Variants in MSL2 observed in about 807,000 individuals in gnomAD.
The protein encoded by MSL2 is E3 ubiquitin-protein ligase MSL2.
In MSL2, 2 loss-of-function variants were observed where a neutral mutation model predicts 35.8. That is an observed-to-expected ratio of 0.06 (90% confidence interval 0.02 to 0.18). The LOEUF (loss-of-function observed/expected upper bound fraction) is 0.18. MSL2 is among the 10% of genes least tolerant of loss of function. The pLI, the probability that MSL2 is intolerant of heterozygous loss-of-function variation, is 1.00. For missense variants in MSL2, 523 were observed against 706.7 expected, an observed-to-expected ratio of 0.74 and a Z score of 2.95; for synonymous variants, 296 against 255.7, an observed-to-expected ratio of 1.16 and a Z score of -1.50.
chr3:136,164,651 A>G (rs1032938527), intron 1 of MSL2, among the ~76,000 whole-genome samples: 1 of 152,202 alleles, frequency 6.6e-6, no homozygotes. Context: ...CTCCAACTTA[A>G]GAAATACCAG....
At chr3:136,153,530 A>G (rs775484498) in intron 1 of MSL2, among the ~76,000 whole-genome samples, 12 of 152,190 alleles carry the variant, frequency 7.9e-5, no homozygotes, top group Non-Finnish European at 1.5e-4. Flanking sequence ...GCTCATGCCT[A>G]TAATCCCAGC....
chr3:136,191,513 C>G (rs935016208), intron 1 of MSL2, among the ~76,000 whole-genome samples: 1 of 150,768 alleles, frequency 6.6e-6, no homozygotes, highest in African/African-American at 2.4e-5. Context: ...GCCACAGTGG[C>G]TTACACCTGT....
At chr3:136,191,287 T>C (rs1940682739) in intron 1 of MSL2, among the ~76,000 whole-genome samples, 1 of 151,776 alleles carries the variant, frequency 6.6e-6, no homozygotes, top group Non-Finnish European at 1.5e-5. Flanking sequence ...GCCAACATGG[T>C]GAAACCCCGT....
At position 136,152,648 on chromosome 3, in the gene MSL2, TTCA is replaced by T; in HGVS notation, c.230_232del (p.Met77del). 1 of 1,614,170 alleles carries T rather than the reference TTCA, an allele frequency of 6.2e-7. No homozygotes were observed. The highest frequency in any genetic ancestry group is 8.5e-7 in the Non-Finnish European group (1 of 1,180,030). ...GTCTTTGCACCAGCTACAGGAAGGT[TTCA>T]TCATCATTTTCTTGCCTTTACAAGT... On this transcript the variant is annotated inframe_deletion, in exon 2 of 2. Coordinates refer to ENST00000309993, the MANE Select transcript of MSL2 (RefSeq NM_018133.4).
rs180684370 is a variant in MSL2 at position 136,175,327 on chromosome 3, G to C, written c.142+19645C>G. ...CCACTGCACTCCAGCCTGGGCGACA[G>C]AGCAAGACTCCGTCTCAAAAAAAAA... On this transcript the variant is annotated intron_variant, in intron 1 of 1. Transcript: ENST00000309993. Among the ~76,000 whole-genome samples, 206 of 147,766 alleles carry C rather than the reference G, an allele frequency of 1.4e-3. 3 individuals are homozygous for C. Among genetic ancestry groups the C allele is most frequent in the African/African-American group, 4.6e-3 (181 of 39,670 alleles).
chr3:136,193,091 G>A (rs1435942153), intron 1 of MSL2, among the ~76,000 whole-genome samples: 1 of 152,126 alleles, frequency 6.6e-6, no homozygotes, highest in Admixed American at 6.6e-5. Flanking sequence ...AATTCCCCTT[G>A]TGTTGCCAAG....
intron 1 of MSL2, among the ~76,000 whole-genome samples, chr3:136,182,387 A>C (rs748314325): frequency 6.6e-6 from 1 of 152,238 alleles, no homozygotes; most frequent in South Asian, 2.1e-4. Context: ...TAACTAAAAA[A>C]CAGAATAGAA....
Position 136,164,730 on chromosome 3 carries a change from T to C in MSL2, c.143-11992A>G, listed in dbSNP as rs549737351. The stretch of plus-strand genomic sequence containing the variant: ...TAGAAAATAAAATGGATGGGCAATA[T>C]ACAACAGGAGGAAATATGTCAGTCA... On this transcript the variant is annotated intron_variant, in intron 1 of 1. Coordinates refer to ENST00000309993, the MANE Select transcript of MSL2 (RefSeq NM_018133.4). 1.1e-4 allele frequency among the ~76,000 whole-genome samples: 16 copies of C among 152,238 alleles called. No individual in the cohort carries two copies. In the East Asian group the frequency reaches 1.9e-3, roughly 18 times the overall value.
intron 1 of MSL2, among the ~76,000 whole-genome samples, chr3:136,187,677 A>G (rs1940561807): frequency 6.6e-6 from 1 of 152,110 alleles, no homozygotes; most frequent in South Asian, 2.1e-4. Context: ...CTCAAAAAAA[A>G]AAAAAATTTT....
At chr3:136,168,440 G>A (rs768569581) in intron 1 of MSL2, among the ~76,000 whole-genome samples, 1 of 152,086 alleles carries the variant, frequency 6.6e-6, no homozygotes, top group Non-Finnish European at 1.5e-5. Flanking sequence ...CATAAAAAAC[G>A]ATGAGTTCAT....
Position 136,152,215 on chromosome 3 carries a change from A to G in MSL2, c.666T>C (p.Asn222=), listed in dbSNP as rs1272972997. The G allele has an allele frequency of 7.4e-6, 12 of 1,614,046 alleles. No individual in the cohort carries two copies. Among genetic ancestry groups the G allele is most frequent in the Admixed American group, 1.7e-5 (1 of 60,004 alleles). Residue 222 remains asparagine (N), a synonymous_variant, in exon 2 of 2, where the codon AAT becomes AAC. Transcript: ENST00000309993. ...GATCCTCAGTTTTTATGTCAACAGT[A>G]TTACATACGTCAATCGTATTTGAAT... ...PEHSNTIDVC[N]TVDIKTEDLS... is the part of the protein sequence containing the mutation.
At chr3:136,189,593 G>C (rs547553951) in intron 1 of MSL2, among the ~76,000 whole-genome samples, 11 of 151,010 alleles carry the variant, frequency 7.3e-5, no homozygotes, top group Non-Finnish European at 1.6e-4. Context: ...GCGAGGTGGC[G>C]GGTGCCTGCA....
chr3:136,186,007 T>C (rs577507466), intron 1 of MSL2, among the ~76,000 whole-genome samples: 2 of 152,228 alleles, frequency 1.3e-5, no homozygotes, highest in Non-Finnish European at 2.9e-5. Flanking sequence ...CATGGCTGTT[T>C]TGCAGAATAT....
At chr3:136,177,360 A>C (rs935475155) in intron 1 of MSL2, among the ~76,000 whole-genome samples, 1 of 152,190 alleles carries the variant, frequency 6.6e-6, no homozygotes, top group Non-Finnish European at 1.5e-5. Context: ...TTAATATGGC[A>C]GATGTGCCTT....
rs1456344258 is a variant in MSL2 at position 136,152,256 on chromosome 3, T to C, written c.625A>G (p.Ile209Val). The change falls in exon 2 of 2, where the codon ATT becomes GTT. Residue 209 changes from isoleucine (I) to valine (V), a missense_variant. Around this residue, in one of 5 missense-constraint regions of MSL2, gnomAD observed 361 missense variants for 414.6 expected, o/e 0.87. Transcript: ENST00000309993. ...GLSIDRFGIN[I>V]PSPEHSNTID... ...GTATTTGAATGTTCAGGTGAAGGAA[T>C]ATTTATACCAAATCTATCTATTGAA... The C allele has an allele frequency of 6.2e-7, 1 of 1,614,026 alleles. No homozygotes were observed. The highest frequency in any genetic ancestry group is 1.7e-5 in the Admixed American group (1 of 60,010).
At chr3:136,158,492 A>T (rs1250713584) in intron 1 of MSL2, among the ~76,000 whole-genome samples, 1 of 152,128 alleles carries the variant, frequency 6.6e-6, no homozygotes, top group African/African-American at 2.4e-5. Context: ...GGCACCAAAA[A>T]ATCTAAAGCC....
intron 1 of MSL2, among the ~76,000 whole-genome samples, chr3:136,188,701 G>C (rs1238490466): frequency 2.1e-5 from 3 of 144,964 alleles, no homozygotes; most frequent in Admixed American, 1.4e-4. Flanking sequence ...ACTCCAGCCT[G>C]GGGAAGAGAG....
At chr3:136,191,805 A>G (rs1273275214) in intron 1 of MSL2, among the ~76,000 whole-genome samples, 1 of 152,254 alleles carries the variant, frequency 6.6e-6, no homozygotes, top group Non-Finnish European at 1.5e-5. Flanking sequence ...CTTAAAAATA[A>G]GCCCACACAT....
chr3:136,159,395 G>A (rs376976428), intron 1 of MSL2, among the ~76,000 whole-genome samples: 3 of 110,116 alleles, frequency 2.7e-5, no homozygotes, highest in Admixed American at 1.4e-4. Flanking sequence ...ACGGATTCTC[G>A]CTCTGTCGCC....
Sources: allele counts gnomAD v4.1 joint callset (sites outside exome capture counted in the v4.1 genomes callset), GRCh38; gene constraint gnomAD v4.1.1; regional missense constraint gnomAD v4.1.1; transcripts MANE v1.5; gene names NCBI Gene and HGNC (gene_info 2026-07-23, HGNC 2026-07-21).